Variants in ZNF215 observed in about 807,000 individuals in gnomAD.
The protein encoded by ZNF215 is BWSCR2-associated zinc finger protein 2.
ZNF215 carries 24 observed loss-of-function variants against 27.2 expected under a neutral mutation model. That is an observed-to-expected ratio of 0.88 (90% CI 0.64 to 1.24). The LOEUF is 1.24. ZNF215 is among the 50% of genes most tolerant of loss of function. The pLI is 0.00. For missense variants in ZNF215, 675 were observed against 605.7 expected (o/e 1.11, Z -1.20); for synonymous variants, 210 against 204.0 (o/e 1.03, Z -0.25).
At chr11:6,954,386 C>T (rs867037356) in intron 6 of ZNF215, among the ~76,000 whole-genome samples, 4 of 152,352 alleles carry the variant, frequency 2.6e-5, no homozygotes, top group South Asian at 4.1e-4. Context: ...GTGGTGGGCT[C>T]CACCCAGTTC....
intron 5 of ZNF215, among the ~76,000 whole-genome samples, chr11:6,977,057 C>T (rs181389567): frequency 4.4e-4 from 67 of 152,110 alleles, no homozygotes; most frequent in African/African-American, 1.5e-3. Flanking sequence ...GCCTTCTCTT[C>T]TGTGTGAAGT....
At chr11:6,992,205 C>A (rs762533117), downstream of ZNF215, among the ~76,000 whole-genome samples, 5 of 152,290 alleles carry the variant, frequency 3.3e-5, no homozygotes, top group South Asian at 8.3e-4. Flanking sequence ...TTAATGCAAT[C>A]ACAGGAATGC....
intron 6 of ZNF215, among the ~76,000 whole-genome samples, chr11:6,947,984 A>C (rs1457518224): frequency 2.0e-5 from 3 of 152,186 alleles, no homozygotes; most frequent in Non-Finnish European, 4.4e-5. Context: ...CTAACAGGCA[A>C]CATCCTGAGA....
intron 6 of ZNF215, among the ~76,000 whole-genome samples, chr11:6,944,025 C>G (rs1356366819): frequency 1.3e-5 from 2 of 152,170 alleles, no homozygotes; most frequent in African/African-American, 4.8e-5. Flanking sequence ...CCTGTAATCC[C>G]AGCACTTTGG....
chr11:6,970,403 C>G (rs533334134), intron 5 of ZNF215, among the ~76,000 whole-genome samples: 1 of 152,248 alleles, frequency 6.6e-6, no homozygotes, highest in East Asian at 1.9e-4. Context: ...AAAAGACATT[C>G]TTGTAACAAG....
chr11:6,942,790 A>G (rs983845416), intron 4 of ZNF215, among the ~76,000 whole-genome samples: 6 of 152,148 alleles, frequency 3.9e-5, no homozygotes, highest in Non-Finnish European at 8.8e-5. Flanking sequence ...TTTGTTCTAC[A>G]GTTATTCCAG....
At chr11:6,993,180 G>A (rs992636341), downstream of ZNF215, among the ~76,000 whole-genome samples, 10 of 152,032 alleles carry the variant, frequency 6.6e-5, no homozygotes, top group African/African-American at 2.4e-4. Context: ...AACAAAGAAG[G>A]CACATTCCTC....
chr11:6,953,735 C>G (rs1482480742), intron 6 of ZNF215, among the ~76,000 whole-genome samples: 1 of 152,226 alleles, frequency 6.6e-6, no homozygotes, highest in African/African-American at 2.4e-5. Flanking sequence ...TCTCTCAACT[C>G]GTCAAAGTCA....
intron 5 of ZNF215, among the ~76,000 whole-genome samples, chr11:6,977,280 G>C (rs557655854): frequency 1.3e-5 from 2 of 152,136 alleles, no homozygotes; most frequent in South Asian, 4.1e-4. Context: ...TTGCTCTCCT[G>C]CTCTGTCCCA....
At chr11:6,953,084 G>C (rs1186091355) in intron 6 of ZNF215, among the ~76,000 whole-genome samples, 1 of 152,154 alleles carries the variant, frequency 6.6e-6, no homozygotes, top group African/African-American at 2.4e-5. Context: ...CTGGCTTGTA[G>C]AGTTTCTGCC....
chr11:6,955,662 G>T, intron 6 of ZNF215, 28 bp from the exon 7 acceptor site: 1 of 1,526,484 alleles, frequency 6.6e-7, no homozygotes, highest in Non-Finnish European at 8.7e-7. Context: ...TTCCCTTCTA[G>T]TTCATGGCAT....
chr11:6,961,638 G>A (rs760562173), downstream of ZNF215, among the ~76,000 whole-genome samples: 4 of 152,104 alleles, frequency 2.6e-5, no homozygotes, highest in South Asian at 2.1e-4. Context: ...CCTTACAGCC[G>A]CTGGGTTTCA....
chr11:6,985,897 A>C (rs1851046679), downstream of ZNF215, among the ~76,000 whole-genome samples: 1 of 152,014 alleles, frequency 6.6e-6, no homozygotes, highest in Non-Finnish European at 1.5e-5. Context: ...CAAAAAGAAA[A>C]AAGGTCCCAT....
intron 3 of ZNF215, among the ~76,000 whole-genome samples, chr11:6,939,202 AT>A (rs1159106620): frequency 1.3e-5 from 2 of 152,216 alleles, no homozygotes; most frequent in African/African-American, 2.4e-5. Flanking sequence ...TCAAAGGTCT[AT>A]CAGTCTGGGT....
chr11:6,963,295 A>G (rs1254309723), intron 5 of ZNF215, among the ~76,000 whole-genome samples: 3 of 151,938 alleles, frequency 2.0e-5, no homozygotes, highest in Non-Finnish European at 2.9e-5. Context: ...AGAATGTGAT[A>G]TAGGTGGTTT....
At chr11:6,955,598 G>A (rs369608973) in intron 6 of ZNF215, 92 bp from the exon 7 acceptor site, 41 of 1,218,468 alleles carry the variant, frequency 3.4e-5, no homozygotes, top group Admixed American at 2.5e-4. Flanking sequence ...TTTAAGACCC[G>A]TGGTATATGC....
At chr11:6,941,531 C>A (rs746804342) in intron 3 of ZNF215, 40 bp from the exon 4 acceptor site, 2 of 1,586,586 alleles carry the variant, frequency 1.3e-6, no homozygotes, top group South Asian at 1.1e-5. Context: ...TGCTCCAGGG[C>A]AAAACTTGTC....
intron 5 of ZNF215, among the ~76,000 whole-genome samples, chr11:6,967,567 CT>C (rs1225508674): frequency 1.3e-5 from 2 of 152,152 alleles, no homozygotes; most frequent in African/African-American, 4.8e-5. Flanking sequence ...TGATGGTGAG[CT>C]TTTTTTCATA....
chr11:6,929,122 C>T (rs1254790186), intron 2 of ZNF215, among the ~76,000 whole-genome samples: 6 of 152,150 alleles, frequency 3.9e-5, no homozygotes, highest in Admixed American at 3.3e-4. Flanking sequence ...CCTTTTCCTC[C>T]CCTGGCCATG....
Sources: allele counts gnomAD v4.1 joint callset (sites outside exome capture counted in the v4.1 genomes callset), GRCh38; gene constraint gnomAD v4.1.1; transcripts MANE v1.5; gene names NCBI Gene and HGNC (gene_info 2026-07-23, HGNC 2026-07-21).